Variants in ZNF804B observed in about 807,000 individuals in gnomAD.
The protein encoded by ZNF804B is zinc finger protein 804B.
In ZNF804B, 80 loss-of-function variants were observed where a neutral mutation model predicts 101.4. That is an observed-to-expected ratio of 0.79 (90% CI 0.66 to 0.95). ZNF804B has a LOEUF of 0.95. Among genes scored for constraint, ZNF804B ranks in the 40% least tolerant of loss-of-function variants. The pLI is 0.00. For synonymous variants in ZNF804B, 622 were observed against 558.8 expected (o/e 1.11, Z -1.59); for missense variants, 1,673 against 1,561.9 (o/e 1.07, Z -1.20).
intron 1 of ZNF804B, among the ~76,000 whole-genome samples, chr7:89,191,834 G>A (rs1452180528): frequency 1.3e-5 from 2 of 152,018 alleles, no homozygotes; most frequent in East Asian, 1.9e-4. Context: ...TGTGATAGGT[G>A]GCAGAGAGAG....
intron 1 of ZNF804B, among the ~76,000 whole-genome samples, chr7:88,909,746 G>T (rs1327453377): frequency 6.6e-6 from 1 of 151,240 alleles, no homozygotes; most frequent in Non-Finnish European, 1.5e-5. Flanking sequence ...TCCTTCACTT[G>T]AATTTCATTT....
rs116421482 is a variant in ZNF804B, at chr7:89,120,142, G to C, written c.109-98013G>C. On this transcript the variant is annotated intron_variant, in intron 1 of 3. Transcript: ENST00000333190. ...CATTTAAAAATGAAGACTTAAAACT[G>C]AAGTCTACACACTTACCTGTAATCC... 3.3e-3 allele frequency among the ~76,000 whole-genome samples: 503 copies of C among 152,074 alleles called. 5 individuals are homozygous for C. The highest frequency in any genetic ancestry group is 0.011 in the African/African-American group (458 of 41,492).
intron 2 of ZNF804B, among the ~76,000 whole-genome samples, chr7:89,226,762 G>A (rs1480648528): frequency 6.6e-6 from 1 of 151,976 alleles, no homozygotes; most frequent in Non-Finnish European, 1.5e-5. Flanking sequence ...TTTTCCAACT[G>A]AGCTTCATAA....
At chr7:88,886,109 C>G (rs1268523648) in intron 1 of ZNF804B, among the ~76,000 whole-genome samples, 2 of 151,914 alleles carry the variant, frequency 1.3e-5, no homozygotes, top group Non-Finnish European at 2.9e-5. Flanking sequence ...CGAATTAGTT[C>G]AAAACAATGG....
chr7:89,064,899 C>T lies in ZNF804B; in HGVS notation c.109-153256C>T, dbSNP rs191833031. On this transcript the variant is annotated intron_variant, in intron 1 of 3. Transcript: ENST00000333190. The stretch of plus-strand genomic sequence containing the variant: ...CATCACACTAGCTTCACTTAAGAGT[C>T]ATCGAGAAAGGCAAGAATCAGGCTG... 1.7e-4 allele frequency among the ~76,000 whole-genome samples: 26 copies of T among 152,250 alleles called. No individual in the cohort carries two copies. In the East Asian group the frequency reaches 4.6e-3, roughly 27 times the overall value.
At chr7:89,030,554 TC>T (rs1788814040) in intron 1 of ZNF804B, among the ~76,000 whole-genome samples, 1 of 152,184 alleles carries the variant, frequency 6.6e-6, no homozygotes, top group South Asian at 2.1e-4. Flanking sequence ...TGCCTACATC[TC>T]CCTCACTCAT....
chr7:88,980,801 A>G (rs1315819068), intron 1 of ZNF804B, among the ~76,000 whole-genome samples: 1 of 152,012 alleles, frequency 6.6e-6, no homozygotes, highest in Non-Finnish European at 1.5e-5. Flanking sequence ...TAAAGCCCAC[A>G]GTGACCACTG....
chr7:88,859,291 T>G (rs1791614960), intron 1 of ZNF804B, among the ~76,000 whole-genome samples: 1 of 152,088 alleles, frequency 6.6e-6, no homozygotes. Context: ...TAATGACAAC[T>G]CATCAGATAC....
intron 2 of ZNF804B, among the ~76,000 whole-genome samples, chr7:89,229,689 C>A (rs1051843147): frequency 6.6e-6 from 1 of 152,158 alleles, no homozygotes; most frequent in Non-Finnish European, 1.5e-5. Flanking sequence ...CATAGTTGAA[C>A]TGAACAGTTA....
At chr7:89,196,389 A>C (rs75470396) in intron 1 of ZNF804B, among the ~76,000 whole-genome samples, 2 of 152,146 alleles carry the variant, frequency 1.3e-5, no homozygotes, top group Non-Finnish European at 2.9e-5. Flanking sequence ...AAGGACTCCT[A>C]TTTAATAAAT....
At chr7:88,857,302 CA>C (rs1429300734) in intron 1 of ZNF804B, among the ~76,000 whole-genome samples, 1 of 151,942 alleles carries the variant, frequency 6.6e-6, no homozygotes, top group African/African-American at 2.4e-5. Context: ...AAAAACCCTC[CA>C]AAAAATCAAT....
At chr7:88,922,573 A>G (rs1163004554) in intron 1 of ZNF804B, among the ~76,000 whole-genome samples, 3 of 151,682 alleles carry the variant, frequency 2.0e-5, no homozygotes, top group African/African-American at 7.3e-5. Flanking sequence ...ACAAAATGGG[A>G]CTTATTTTAA....
chr7:88,913,736 C>T (rs1792587642), intron 1 of ZNF804B, among the ~76,000 whole-genome samples: 1 of 152,168 alleles, frequency 6.6e-6, no homozygotes, highest in African/African-American at 2.4e-5. Context: ...TACTCTTAAA[C>T]AGTGTGTTGT....
intron 1 of ZNF804B, among the ~76,000 whole-genome samples, chr7:89,140,892 T>C (rs574960536): frequency 6.6e-6 from 1 of 152,246 alleles, no homozygotes; most frequent in Non-Finnish European, 1.5e-5. Context: ...TGGCATTCAA[T>C]CTATGTCAGC....
At chr7:89,110,854 T>C (rs1051566753) in intron 1 of ZNF804B, among the ~76,000 whole-genome samples, 1 of 152,116 alleles carries the variant, frequency 6.6e-6, no homozygotes, top group African/African-American at 2.4e-5. Flanking sequence ...GCCCTAAATA[T>C]CTACTATTTT....
chr7:89,104,456 G>C (rs1790105677), intron 1 of ZNF804B, among the ~76,000 whole-genome samples: 1 of 151,754 alleles, frequency 6.6e-6, no homozygotes, highest in Admixed American at 6.6e-5. Context: ...ATTTCCACCT[G>C]GTTCAATTTT....
At chr7:88,852,725 C>T (rs1039199248) in intron 1 of ZNF804B, among the ~76,000 whole-genome samples, 15 of 152,080 alleles carry the variant, frequency 9.9e-5, no homozygotes, top group East Asian at 1.9e-4. Context: ...ACTTTGAGGA[C>T]GGTGTTAACA....
chr7:89,157,687 G>A (rs960643095), intron 1 of ZNF804B, among the ~76,000 whole-genome samples: 3 of 152,100 alleles, frequency 2.0e-5, no homozygotes, highest in African/African-American at 7.2e-5. Context: ...AGATCTGTAA[G>A]TACACATCCA....
At chr7:89,198,400 G>A (rs1005827786) in intron 1 of ZNF804B, among the ~76,000 whole-genome samples, 2 of 151,796 alleles carry the variant, frequency 1.3e-5, no homozygotes, top group Non-Finnish European at 2.9e-5. Flanking sequence ...CACTATTTAT[G>A]TTTACAATAA....
Sources: gnomAD v4.1 joint callset for allele counts (sites outside exome capture counted in the v4.1 genomes callset) on GRCh38, gnomAD v4.1.1 for gene constraint, MANE v1.5 for transcripts, NCBI Gene and HGNC (gene_info 2026-07-23, HGNC 2026-07-21) for gene names.